Variants in KLHL4 observed in about 807,000 individuals in gnomAD.
The protein encoded by KLHL4 is kelch-like protein 4.
Under a neutral mutation model 45.8 loss-of-function variants are expected in KLHL4, and 17 were observed. That is an observed-to-expected ratio of 0.37 (90% CI 0.25 to 0.56). The LOEUF is 0.56. Ranked by LOEUF, KLHL4 falls within the 20% of genes least tolerant of loss-of-function variation. The pLI is 0.79. For missense variants in KLHL4, 544 were observed against 544.9 expected (o/e 1.00, Z 0.02); for synonymous variants, 224 against 189.9 (o/e 1.18, Z -1.47).
At position 87,635,743 on chromosome X, in the gene KLHL4, C is replaced by T; in HGVS notation, c.1893C>T (p.Asn631=). The T allele has an allele frequency of 4.2e-6, 5 of 1,200,372 alleles. No individual in the cohort carries two copies. The highest frequency in any genetic ancestry group is 5.6e-6 in the Non-Finnish European group (5 of 887,501). The stretch of plus-strand genomic sequence containing the variant: ...GGGGGCATGATGCCCCTGCTTCCAA[C>T]CATTGCTCCAGGCTTTCTGACTGTG... The part of the protein sequence containing the change: ...VVGGHDAPAS[N]HCSRLSDCVE... Residue 631 remains asparagine, a synonymous_variant, in exon 9 of 11, where the codon AAC becomes AAT. Coordinates refer to ENST00000373119, the MANE Select transcript of KLHL4 (RefSeq NM_019117.5).
At chrX:87,629,601 T>C (rs986903304) in intron 6 of KLHL4, among the ~76,000 whole-genome samples, 3 of 111,523 alleles carry the variant, frequency 2.7e-5, no homozygotes, top group African/African-American at 9.8e-5. Flanking sequence ...TACCCCACCA[T>C]TCGTATCTTC....
At chrX:87,622,468 C>A in intron 5 of KLHL4, 45 bp downstream of exon 5, 1 of 824,636 alleles carries the variant, frequency 1.2e-6, no homozygotes, top group Non-Finnish European at 1.7e-6. Flanking sequence ...TTCTGAACTA[C>A]CACTAGGCAC....
chrX:87,627,067 G>A (rs976683670), intron 6 of KLHL4, among the ~76,000 whole-genome samples: 1 of 111,745 alleles, frequency 8.9e-6, no homozygotes, highest in African/African-American at 3.3e-5. Context: ...GGCTTGTGTT[G>A]AATTATTTAT....
intron 1 of KLHL4, among the ~76,000 whole-genome samples, chrX:87,590,186 C>T (rs1313914437): frequency 9.1e-6 from 1 of 110,239 alleles, no homozygotes; most frequent in Non-Finnish European, 1.9e-5. Context: ...GAATGGACAC[C>T]CTATTCGCCA....
chrX:87,565,951 A>G (rs1009979246), intron 1 of KLHL4, among the ~76,000 whole-genome samples: 4 of 109,856 alleles, frequency 3.6e-5, no homozygotes, highest in Non-Finnish European at 5.7e-5. Flanking sequence ...AACACACACC[A>G]GGGCCTGTTG....
intron 1 of KLHL4, among the ~76,000 whole-genome samples, chrX:87,588,314 C>A (rs1921546473): frequency 1.8e-5 from 2 of 111,762 alleles, no homozygotes; most frequent in South Asian, 7.3e-4. Context: ...TAATGTGGAA[C>A]CACTACAGAC....
chrX:87,581,257 A>T (rs1056145909), intron 1 of KLHL4, among the ~76,000 whole-genome samples: 3 of 112,487 alleles, frequency 2.7e-5, no homozygotes, highest in Non-Finnish European at 5.6e-5. Context: ...GAAGACCACC[A>T]TGTTGGCTAT....
At chrX:87,576,692 A>T (rs1050258977) in intron 1 of KLHL4, among the ~76,000 whole-genome samples, 3 of 111,526 alleles carry the variant, frequency 2.7e-5, no homozygotes, top group African/African-American at 9.7e-5. Context: ...CCTGTTACGA[A>T]ATCTTTACAC....
At chrX:87,536,093 G>C (rs930392068) in intron 1 of KLHL4, among the ~76,000 whole-genome samples, 1 of 110,911 alleles carries the variant, frequency 9.0e-6, no homozygotes, top group Non-Finnish European at 1.9e-5. Flanking sequence ...ATGCAAGAAC[G>C]AACTAATACA....
intron 3 of KLHL4, 127 bp downstream of exon 3, chrX:87,614,697 ACAACTACAAAGG>A: frequency 7.1e-6 from 4 of 561,789 alleles, no homozygotes; most frequent in Non-Finnish European, 7.9e-6. Flanking sequence ...TACTGCTACT[ACAACTACAAAGG>A]TGAGGAAACT....
intron 9 of KLHL4, among the ~76,000 whole-genome samples, chrX:87,640,149 T>C (rs369552146): frequency 2.8e-4 from 30 of 108,602 alleles, no homozygotes; most frequent in African/African-American, 9.4e-4. Flanking sequence ...TAGGAAGAAA[T>C]AGAAACTCTG....
chrX:87,555,635 G>A (rs1368912033), intron 1 of KLHL4, among the ~76,000 whole-genome samples: 7 of 105,687 alleles, frequency 6.6e-5, no homozygotes, highest in Middle Eastern at 4.7e-3. Context: ...CTTGCTAGTG[G>A]TCTATCAATT....
At chrX:87,552,079 C>G (rs1435680039) in intron 1 of KLHL4, among the ~76,000 whole-genome samples, 1 of 110,739 alleles carries the variant, frequency 9.0e-6, no homozygotes, top group Non-Finnish European at 1.9e-5. Flanking sequence ...TTTTGCATGG[C>G]AAAAAAACAG....
intron 9 of KLHL4, among the ~76,000 whole-genome samples, chrX:87,655,490 A>G (rs1191278052): frequency 8.9e-6 from 1 of 111,788 alleles, no homozygotes; most frequent in Non-Finnish European, 1.9e-5. Flanking sequence ...GCTTGATCAG[A>G]TGTAAATATA....
In KLHL4 at chrX:87,666,798, A is replaced by G. The variant is rs1205759677; in HGVS notation, c.*264A>G. On this transcript the variant is annotated 3_prime_UTR_variant, in exon 11 of 11. Coordinates refer to ENST00000373119, the MANE Select transcript of KLHL4 (RefSeq NM_019117.5). ...AATCCCACAGTCTAGATATAGCCCC[A>G]TTACTACAAAATGCTAAAATATTTA... 6 of 843,970 alleles carry G rather than the reference A, an allele frequency of 7.1e-6. No individual in the cohort carries two copies. The highest frequency in any genetic ancestry group is 6.6e-5 in the East Asian group (1 of 15,123). The allele number at this position is 843,970 out of a possible 1,213,427, so 69.6% of individuals were successfully genotyped here.
At chrX:87,543,019 G>A (rs1424738899) in intron 1 of KLHL4, among the ~76,000 whole-genome samples, 2 of 111,119 alleles carry the variant, frequency 1.8e-5, no homozygotes, top group African/African-American at 6.6e-5. Context: ...TAGTGAGGGA[G>A]TTATCGGGAG....
intron 1 of KLHL4, among the ~76,000 whole-genome samples, chrX:87,580,662 A>C (rs1339518677): frequency 8.9e-6 from 1 of 112,198 alleles, no homozygotes; most frequent in Non-Finnish European, 1.9e-5. Flanking sequence ...TCAATTTATC[A>C]AGAAGATATA....
intron 9 of KLHL4, among the ~76,000 whole-genome samples, chrX:87,660,611 G>A (rs1474796752): frequency 1.8e-5 from 2 of 112,166 alleles, no homozygotes; most frequent in South Asian, 7.4e-4. Context: ...CTGGGAGGCC[G>A]AGGTGGGTGG....
intron 1 of KLHL4, among the ~76,000 whole-genome samples, chrX:87,593,321 A>G (rs1391101626): frequency 1.8e-5 from 2 of 111,041 alleles, no homozygotes; most frequent in Non-Finnish European, 3.8e-5. Context: ...TACTGTGTGT[A>G]TGTTGACATG....
Sources: allele counts gnomAD v4.1 joint callset (sites outside exome capture counted in the v4.1 genomes callset), GRCh38; gene constraint gnomAD v4.1.1; transcripts MANE v1.5; gene names NCBI Gene and HGNC (gene_info 2026-07-23, HGNC 2026-07-21).